EDIL3: variants seen among roughly 807,000 people sequenced by gnomAD.
The protein encoded by EDIL3 is EGF like and discoidin domains 3.
EDIL3 carries 37 observed loss-of-function variants against 67.4 expected under a neutral mutation model. The ratio of observed to expected loss-of-function variants is 0.55; its 90% CI spans 0.42 to 0.72. The LOEUF is 0.72. Ranked by LOEUF, EDIL3 falls within the 30% of genes least tolerant of loss-of-function variation. The probability of loss-of-function intolerance (pLI) is 0.00; values close to 1 mark genes in which losing one functional copy is unlikely to be tolerated. For missense variants in EDIL3, 527 were observed against 586.3 expected (o/e 0.90, Z 1.04); for synonymous variants, 195 against 196.3 (o/e 0.99, Z 0.05).
chr5:84,093,319 G>A (rs1747200765), intron 6 of EDIL3, among the ~76,000 whole-genome samples: 1 of 151,952 alleles, frequency 6.6e-6, no homozygotes. Context: ...AGTTGTTTAT[G>A]GTATAGGAGG....
chr5:84,120,914 T>A (rs1040360275), intron 5 of EDIL3, among the ~76,000 whole-genome samples: 1 of 151,982 alleles, frequency 6.6e-6, no homozygotes, highest in Non-Finnish European at 1.5e-5. Flanking sequence ...AACACCTGTG[T>A]TCCTAAAAGG....
At chr5:84,117,035 T>TTTTTTTTG (rs1747680478) in intron 5 of EDIL3, among the ~76,000 whole-genome samples, 1 of 139,422 alleles carries the variant, frequency 7.2e-6, no homozygotes, top group African/African-American at 2.7e-5. Flanking sequence ...TTTTTTTTTT[T>TTTTTTTTG]TTTTTTTTTT....
At chr5:84,113,323 G>A (rs1747606550) in intron 5 of EDIL3, among the ~76,000 whole-genome samples, 1 of 152,166 alleles carries the variant, frequency 6.6e-6, no homozygotes, top group African/African-American at 2.4e-5. Flanking sequence ...TTGGCTACCA[G>A]AGAATTTCAG....
chr5:84,364,948 A>G (rs1245902714), intron 1 of EDIL3, among the ~76,000 whole-genome samples: 1 of 151,948 alleles, frequency 6.6e-6, no homozygotes, highest in Non-Finnish European at 1.5e-5. Flanking sequence ...CAATCCTTAA[A>G]ACATGTTTGT....
intron 9 of EDIL3, among the ~76,000 whole-genome samples, chr5:84,042,191 A>T (rs926386188): frequency 1.3e-5 from 2 of 152,220 alleles, no homozygotes; most frequent in Non-Finnish European, 2.9e-5. Flanking sequence ...AATAATGGCT[A>T]TAAATATCAC....
At chr5:84,226,593 A>G (rs1744456673) in intron 3 of EDIL3, among the ~76,000 whole-genome samples, 2 of 151,840 alleles carry the variant, frequency 1.3e-5, no homozygotes, top group South Asian at 4.1e-4. Context: ...ATAGGTTGAT[A>G]AAATTAAAAG....
chr5:83,976,899 C>A (rs1298672750), intron 9 of EDIL3, among the ~76,000 whole-genome samples: 1 of 151,746 alleles, frequency 6.6e-6, no homozygotes, highest in Non-Finnish European at 1.5e-5. Flanking sequence ...TACTAAGGTT[C>A]AACTAAATGT....
At chr5:84,096,289 C>T (rs1217921445) in intron 6 of EDIL3, among the ~76,000 whole-genome samples, 1 of 152,176 alleles carries the variant, frequency 6.6e-6, no homozygotes, top group Non-Finnish European at 1.5e-5. Context: ...CACAGATGCT[C>T]AAAGGCAACC....
intron 10 of EDIL3, among the ~76,000 whole-genome samples, chr5:83,954,230 G>A (rs1561384103): frequency 6.6e-6 from 1 of 151,630 alleles, no homozygotes; most frequent in South Asian, 2.1e-4. Context: ...AATATTAGTT[G>A]TTTGGTGATT....
intron 9 of EDIL3, among the ~76,000 whole-genome samples, chr5:84,050,819 C>T (rs1289568205): frequency 1.3e-5 from 2 of 152,314 alleles, no homozygotes; most frequent in South Asian, 4.1e-4. Flanking sequence ...AGCCAGGAAG[C>T]TTGAACTGGG....
At chr5:84,023,790 A>G (rs750821168) in intron 9 of EDIL3, among the ~76,000 whole-genome samples, 5 of 152,096 alleles carry the variant, frequency 3.3e-5, no homozygotes, top group Non-Finnish European at 5.9e-5. Context: ...CCCATTTACT[A>G]ACTGACATGG....
At chr5:84,094,211 A>G (rs576278492) in intron 6 of EDIL3, among the ~76,000 whole-genome samples, 11 of 152,322 alleles carry the variant, frequency 7.2e-5, no homozygotes, top group Non-Finnish European at 1.0e-4. Flanking sequence ...CATCTGTTTA[A>G]AAACACACAA....
chr5:84,231,105 A>G (rs538538092), intron 2 of EDIL3, among the ~76,000 whole-genome samples: 25 of 152,266 alleles, frequency 1.6e-4, no homozygotes, highest in African/African-American at 5.5e-4. Context: ...TTGAGGTATT[A>G]CTAGGCAATA....
intron 3 of EDIL3, among the ~76,000 whole-genome samples, chr5:84,214,313 G>C (rs1418761441): frequency 6.6e-6 from 1 of 151,960 alleles, no homozygotes; most frequent in Non-Finnish European, 1.5e-5. Context: ...TGGATTCCAG[G>C]AACCCTCAGG....
At chr5:83,997,669 G>T (rs911612191) in intron 9 of EDIL3, among the ~76,000 whole-genome samples, 2 of 152,118 alleles carry the variant, frequency 1.3e-5, no homozygotes, top group African/African-American at 2.4e-5. Flanking sequence ...TGTTAACAAA[G>T]ACTTAAGAGT....
chr5:84,176,836 T>C (rs1748926825), intron 4 of EDIL3, among the ~76,000 whole-genome samples: 1 of 151,680 alleles, frequency 6.6e-6, no homozygotes, highest in Non-Finnish European at 1.5e-5. Flanking sequence ...TAAAATTTGA[T>C]AATTCTATAC....
chr5:84,036,422 C>T (rs918851503), intron 9 of EDIL3, among the ~76,000 whole-genome samples: 2 of 152,208 alleles, frequency 1.3e-5, no homozygotes, highest in African/African-American at 2.4e-5. Flanking sequence ...ATCCTTTTCA[C>T]TTTGAAAATA....
At chr5:84,363,446 CAAAA>C (rs34829764) in intron 1 of EDIL3, among the ~76,000 whole-genome samples, 3 of 76,654 alleles carry the variant, frequency 3.9e-5, no homozygotes, top group African/African-American at 4.5e-5. Flanking sequence ...AAGACTCTGT[CAAAA>C]AAAAAAAAAA....
chr5:84,054,894 T>C (rs1279578131), intron 9 of EDIL3, among the ~76,000 whole-genome samples: 2 of 144,414 alleles, frequency 1.4e-5, no homozygotes, highest in Non-Finnish European at 3.0e-5. Context: ...CCAAGGTAAT[T>C]TATAGATTCA....
Sources: allele counts gnomAD v4.1 joint callset (sites outside exome capture counted in the v4.1 genomes callset), GRCh38; gene constraint gnomAD v4.1.1; transcripts MANE v1.5; gene names NCBI Gene and HGNC (gene_info 2026-07-23, HGNC 2026-07-21).